The following RPS6KB2 variants were observed in gnomAD, a reference collection of about 807,000 sequenced individuals.
RPS6KB2 encodes the protein ribosomal protein S6 kinase beta-2.
A neutral mutation model predicts 58.2 loss-of-function variants in RPS6KB2; 51 were observed. That is an observed-to-expected ratio of 0.88 (90% CI 0.70 to 1.11). The LOEUF (loss-of-function observed/expected upper bound fraction) is 1.11. Among genes scored for constraint, RPS6KB2 ranks in the 50% least tolerant of loss-of-function variants. RPS6KB2 has a pLI of 0.00. For synonymous variants in RPS6KB2, 293 were observed against 258.6 expected (o/e 1.13, Z -1.28); for missense variants, 671 against 655.8 (o/e 1.02, Z -0.25).
At chr11:67,428,853 A>T (rs1389826887) in intron 1 of RPS6KB2, 129 bp from the exon 2 acceptor site, 2 of 1,171,112 alleles carry the variant, frequency 1.7e-6, no homozygotes, top group African/African-American at 3.0e-5. Context: ...TTTCTTCCCA[A>T]TTCTTACCCA....
chr11:67,433,147 C>A lies in RPS6KB2; in HGVS notation c.729C>A (p.Arg243=). The A allele has an allele frequency of 6.2e-7, 1 of 1,603,968 alleles. No individual in the cohort carries two copies. The highest frequency in any genetic ancestry group is 8.5e-7 in the Non-Finnish European group (1 of 1,176,454). Reference sequence around the variant, plus strand: ...CCAGGGCCCCTGAGATTCTGGTGCGCAGTGGCCACAACCGGGCTGTGGACT... The same window carrying A: ...CCAGGGCCCCTGAGATTCTGGTGCGAAGTGGCCACAACCGGGCTGTGGACT... ...IEYMAPEILV[R]SGHNRAVDWW... is the part of the protein sequence containing the mutation. Residue 243 remains arginine (R), a synonymous_variant, in exon 9 of 15, where the codon CGC becomes CGA. Coordinates refer to ENST00000312629, the MANE Select transcript of RPS6KB2 (RefSeq NM_003952.3).
At chr11:67,429,496 G>C (rs781347554) in intron 3 of RPS6KB2, 31 bp from the exon 4 acceptor site, 4 of 1,602,560 alleles carry the variant, frequency 2.5e-6, no homozygotes, top group Non-Finnish European at 3.4e-6. Context: ...ATGTGGAGAG[G>C]GAAGTTGATC....
In RPS6KB2 at chr11:67,435,165, G is replaced by C. The variant is rs759220531; in HGVS notation, c.1445G>C (p.Arg482Pro). The C allele has an allele frequency of 1.9e-6, 3 of 1,572,520 alleles. No individual in the cohort carries two copies. Among genetic ancestry groups the C allele is most frequent in the East Asian group, 4.6e-5 (2 of 43,242 alleles). The change falls in exon 15 of 15, where the codon CGC (arginine) becomes CCC (proline). Residue 482 changes from arginine (R) to proline (P), a missense_variant. By Grantham distance (103) the Arg-to-Pro change is moderately radical. Transcript: ENST00000312629. ...AAGAGGGGCCGTGGGCGTCCAGGGC[G>C]CTAGGAAGCCGGGTGGGGGTGAGGG... ...KSKRGRGRPG[R>P]
chr11:67,435,091 G>A lies in RPS6KB2; in HGVS notation c.1371G>A (p.Ser457=), dbSNP rs375472471. ...CACTCCTGCCACCGCCGCCGCCCTC[G>A]ACCACCGCCCCTCTCCCCATCCGTC... ...LPPLLPPPPP[S]TTAPLPIRPP... is the part of the protein sequence containing the mutation. Residue 457 remains serine, a synonymous_variant, in exon 15 of 15, where the codon TCG becomes TCA. Coordinates refer to ENST00000312629, the MANE Select transcript of RPS6KB2 (RefSeq NM_003952.3). 2.6e-4 allele frequency: 418 copies of A among 1,609,622 alleles called. 1 individual carries two copies. The Middle Eastern group carries it at 3.8e-3, about 15-fold the overall frequency.
intron 6 of RPS6KB2, 21 bp downstream of exon 6, chr11:67,432,678 T>C: frequency 2.5e-6 from 4 of 1,614,002 alleles, no homozygotes; most frequent in Non-Finnish European, 3.4e-6. Flanking sequence ...ATCCTCCGCT[T>C]TCCTGAGGCT....
At chr11:67,431,319 T>C (rs572053010) in intron 4 of RPS6KB2, 49 bp from the exon 5 acceptor site, 1 of 1,595,844 alleles carries the variant, frequency 6.3e-7, no homozygotes, top group Admixed American at 1.7e-5. Context: ...TGTGAGCCAC[T>C]GTGCCCAGCC....
rs201994522 is a variant in RPS6KB2, at chr11:67,429,555, C to T, written c.269C>T (p.Thr90Ile). ...TTCCAGGTGCGAAAGGTGCAAGGCA[C>T]CAACTTGGGCAAAATATATGCCATG... The part of the protein sequence containing the change: ...KVFQVRKVQG[T>I]NLGKIYAMKV... The change falls in exon 4 of 15, where the codon ACC becomes ATC. Residue 90 changes from threonine to isoleucine, a missense_variant. Physicochemically the swap from Thr to Ile is moderately conservative, Grantham distance 89 (BLOSUM62 -1). Transcript: ENST00000312629. The T allele has an allele frequency of 3.4e-4, 551 of 1,613,256 alleles. No homozygotes were observed. The African/African-American group carries it at 6.1e-3, about 18-fold the overall frequency.
At chr11:67,432,292 C>A (rs1426268622) in intron 5 of RPS6KB2, 2 of 614,602 alleles carry the variant, frequency 3.3e-6, no homozygotes, top group African/African-American at 3.6e-5. Flanking sequence ...GGGCTAAGCT[C>A]TTGGAGCTGT....
intron 1 of RPS6KB2, 93 bp downstream of exon 1, chr11:67,428,716 T>C (rs1471546817): frequency 7.9e-7 from 1 of 1,259,076 alleles, no homozygotes; most frequent in East Asian, 2.5e-5. Context: ...CAGAGCGGGC[T>C]CCGACTCTTT....
chr11:67,431,987 C>T (rs191097554), intron 5 of RPS6KB2: 21 of 278,116 alleles, frequency 7.6e-5, no homozygotes, highest in Admixed American at 3.4e-4. Flanking sequence ...TCTCCTCTGC[C>T]GACTGCTGAG....
chr11:67,429,103 A>G lies in RPS6KB2; in HGVS notation c.120-17A>G, dbSNP rs1326800725. On this transcript the variant is annotated splice_polypyrimidine_tract_variant and intron_variant, in intron 2 of 14. Transcript: ENST00000312629. ...GAGCACTGGAGCCTTGTCCTCATTA[A>G]CTCCTTGTGTCCGTAGGCCTGTGGG... The G allele has an allele frequency of 6.2e-7, 1 of 1,612,626 alleles. No homozygotes were observed. The highest frequency in any genetic ancestry group is 1.3e-5 in the African/African-American group (1 of 74,400).
At chr11:67,429,359 A>C (rs1863950196) in intron 3 of RPS6KB2, 119 bp downstream of exon 3, 1 of 1,474,992 alleles carries the variant, frequency 6.8e-7, no homozygotes. Flanking sequence ...CAGAGCCAGA[A>C]ACATAAAGGA....
chr11:67,431,590 G>A (rs937457187), intron 5 of RPS6KB2, 75 bp downstream of exon 5: 16 of 1,498,344 alleles, frequency 1.1e-5, no homozygotes, highest in Non-Finnish European at 1.4e-5. Flanking sequence ...GCTCTGGGGG[G>A]AAGCTCTTGA....
intron 14 of RPS6KB2, 43 bp from the exon 15 acceptor site, chr11:67,434,946 C>A (rs760828078): frequency 6.4e-7 from 1 of 1,564,044 alleles, no homozygotes; most frequent in Admixed American, 1.7e-5. Context: ...GAGCCTCTGG[C>A]AGGGCCTAGG....
At position 67,434,461 on chromosome 11, in the gene RPS6KB2, G is replaced by C. The variant is rs751934202; in HGVS notation, c.1132G>C (p.Glu378Gln). 1.2e-6 allele frequency: 2 copies of C among 1,612,478 alleles called. No homozygotes were observed. Among genetic ancestry groups the C allele is most frequent in the Non-Finnish European group, 1.7e-6 (2 of 1,179,942 alleles). ...VDSPDDTALS[E>Q]SANQAFLGFT... Reference sequence around the variant, plus strand: ...CAGTCCTGATGACACAGCCCTCAGCGAGAGTGCCAACCAGGCCTTCCTGGT... The same window carrying C: ...CAGTCCTGATGACACAGCCCTCAGCCAGAGTGCCAACCAGGCCTTCCTGGT... The change falls in exon 13 of 15, where the codon GAG (glutamate) becomes CAG (glutamine). Residue 378 changes from glutamate (E) to glutamine (Q), a missense_variant. Glu to Gln is a conservative substitution (Grantham distance 29, BLOSUM62 2). Transcript: ENST00000312629.
chr11:67,434,047 C>A lies in RPS6KB2; in HGVS notation c.959C>A (p.Ala320Asp). 6.2e-7 allele frequency: 1 copy of A among 1,614,116 alleles called. No homozygotes were observed. Among genetic ancestry groups the A allele is most frequent in the Non-Finnish European group, 8.5e-7 (1 of 1,179,996 alleles). ...ATTGGGGGTGGCCCAGGGGATGCTG[C>A]TGATGTGCAGGTGGGTTTGGGACCA... ...QRIGGGPGDA[A>D]DVQRHPFFRH... Residue 320 changes from alanine (A) to aspartate (D), a missense_variant, in exon 11 of 15, where the codon GCT becomes GAT. Ala to Asp is a moderately radical substitution (Grantham distance 126, BLOSUM62 -2). Transcript: ENST00000312629.
At chr11:67,431,807 C>T (rs1864031559) in intron 5 of RPS6KB2, 1 of 380,834 alleles carries the variant, frequency 2.6e-6, no homozygotes, top group Non-Finnish European at 4.9e-6. Context: ...CTACTCCCCT[C>T]CCTGTCTTGT....
At chr11:67,433,933 G>A in intron 10 of RPS6KB2, 62 bp from the exon 11 acceptor site, 3 of 1,588,222 alleles carry the variant, frequency 1.9e-6, no homozygotes, top group Non-Finnish European at 2.6e-6. Flanking sequence ...AGCTAGCCCT[G>A]GGACCCGGGG....
rs1489543631 is a variant in RPS6KB2 at position 67,432,822 on chromosome 11, A to G, written c.601A>G (p.Met201Val). The change falls in exon 7 of 15, where the codon ATG becomes GTG. Residue 201 changes from methionine (M) to valine (V), a missense_variant. Physicochemically the swap from Met to Val is conservative, Grantham distance 21. Transcript: ENST00000312629. ...IYRDLKPENI[M>V]LSSQGHIKLT... Reference sequence around the variant, plus strand: ...CCGGGACCTCAAGCCCGAGAACATCATGCTCAGCAGCCAGGGTGCGCATGT... The same window carrying G: ...CCGGGACCTCAAGCCCGAGAACATCGTGCTCAGCAGCCAGGGTGCGCATGT... The G allele has an allele frequency of 2.6e-5, 42 of 1,613,744 alleles. No individual in the cohort carries two copies. Among genetic ancestry groups the G allele is most frequent in the Non-Finnish European group, 3.6e-5 (42 of 1,179,938 alleles).
Sources: allele counts gnomAD v4.1 joint callset, GRCh38; gene constraint gnomAD v4.1.1; transcripts MANE v1.5; gene names NCBI Gene and HGNC (gene_info 2026-07-23, HGNC 2026-07-21).